The following SLC7A6 variants were observed in gnomAD, a reference collection of about 807,000 sequenced individuals.
SLC7A6 encodes the protein Y+L amino acid transporter 2.
A neutral mutation model predicts 46.6 loss-of-function variants in SLC7A6; 29 were observed. That is an observed-to-expected ratio of 0.62 (90% CI 0.46 to 0.85). The LOEUF (loss-of-function observed/expected upper bound fraction) is 0.85, where lower values mean the gene tolerates loss of function less well. Ranked by LOEUF, SLC7A6 falls within the 40% of genes least tolerant of loss-of-function variation. The pLI is 0.00. For missense variants in SLC7A6, 527 were observed against 647.6 expected, an observed-to-expected ratio of 0.81 and a Z score of 2.02; for synonymous variants, 276 against 257.3, an observed-to-expected ratio of 1.07 and a Z score of -0.70.
intron 1 of SLC7A6, among the ~76,000 whole-genome samples, chr16:68,266,222 T>C (rs1403548676): frequency 1.3e-5 from 2 of 152,000 alleles, no homozygotes; most frequent in South Asian, 2.1e-4. Context: ...ATTGCGCCAT[T>C]GCACTCTAGC....
At chr16:68,265,672 A>G (rs1202592658) in intron 1 of SLC7A6, 2 of 152,114 alleles carry the variant, frequency 1.3e-5, no homozygotes, top group African/African-American at 2.4e-5. Flanking sequence ...GGCTGCCTGC[A>G]TTACTCAGGT....
At chr16:68,289,213 A>C (rs978177771) in intron 4 of SLC7A6, among the ~76,000 whole-genome samples, 7 of 152,232 alleles carry the variant, frequency 4.6e-5, no homozygotes, top group Non-Finnish European at 8.8e-5. Flanking sequence ...GAATCGCCTT[A>C]AACTGGGAGG....
rs559370230 is a variant in SLC7A6 at position 68,296,756 on chromosome 16, A to T, written c.1399A>T (p.Met467Leu). 6.2e-7 allele frequency: 1 copy of T among 1,613,946 alleles called. No homozygotes were observed. Among genetic ancestry groups the T allele is most frequent in the Non-Finnish European group, 8.5e-7 (1 of 1,180,004 alleles). ...IALSGVPFYF[M>L]GVYLPESRRP... ...CCTTTCTGGAGTCCCTTTCTACTTC[A>T]TGGGTGTTTACCTGCCAGAGTCCCG... The change falls in exon 10 of 11, where the codon ATG becomes TTG. Residue 467 changes from methionine to leucine, a missense_variant. By Grantham distance (15) the Met-to-Leu change is conservative. Coordinates refer to ENST00000219343, the MANE Select transcript of SLC7A6 (RefSeq NM_003983.6).
chr16:68,295,715 C>A (rs551596706), intron 8 of SLC7A6, among the ~76,000 whole-genome samples: 5 of 152,316 alleles, frequency 3.3e-5, no homozygotes, highest in Admixed American at 2.6e-4. Context: ...TGTCCCAGGA[C>A]CCTAGGCCCT....
chr16:68,286,161 G>C (rs1453300214), intron 3 of SLC7A6, among the ~76,000 whole-genome samples: 1 of 151,290 alleles, frequency 6.6e-6, no homozygotes, highest in Non-Finnish European at 1.5e-5. Context: ...TACCTTCTGA[G>C]AATTTGTGAT....
chr16:68,280,486 A>G (rs1000843618), intron 3 of SLC7A6, among the ~76,000 whole-genome samples: 3 of 152,266 alleles, frequency 2.0e-5, no homozygotes, highest in African/African-American at 7.2e-5. Context: ...TTTGAAAATC[A>G]GGACTTGCCT....
intron 3 of SLC7A6, among the ~76,000 whole-genome samples, chr16:68,278,231 A>G (rs2042754044): frequency 6.6e-6 from 1 of 152,134 alleles, no homozygotes; most frequent in African/African-American, 2.4e-5. Context: ...CTGGGATTAC[A>G]GGCATGAGCC....
At chr16:68,273,284 C>A (rs2042652168) in intron 2 of SLC7A6, among the ~76,000 whole-genome samples, 2 of 152,122 alleles carry the variant, frequency 1.3e-5, no homozygotes, top group Non-Finnish European at 2.9e-5. Flanking sequence ...ATTTGTTGAA[C>A]AGATAAGAGA....
Position 68,301,597 on chromosome 16 carries a change from C to T in SLC7A6, c.*4269C>T, listed in dbSNP as rs1022907316. 5.3e-5 allele frequency: 24 copies of T among 449,544 alleles called. No homozygotes were observed. Among genetic ancestry groups the T allele is most frequent in the Non-Finnish European group, 8.5e-5 (22 of 257,634 alleles). The allele number at this position is 449,544 out of a possible 1,614,324, so 27.8% of individuals were successfully genotyped here. ...ACTTTCCTATCATCTAAACCAAGTT[C>T]CTTCACACTGGAGTATTTTGTCACT... is the stretch of plus-strand genomic sequence containing the variant. On this transcript the variant is annotated 3_prime_UTR_variant, in exon 11 of 11. Transcript: ENST00000219343.
intron 3 of SLC7A6, among the ~76,000 whole-genome samples, chr16:68,281,014 T>C (rs1366711241): frequency 6.6e-6 from 1 of 152,238 alleles, no homozygotes; most frequent in East Asian, 1.9e-4. Flanking sequence ...ATTACAGGCG[T>C]GACCCACGGC....
chr16:68,287,996 A>G (rs569956740), intron 4 of SLC7A6, 125 bp downstream of exon 4: 117 of 1,363,692 alleles, frequency 8.6e-5, no homozygotes, highest in Middle Eastern at 8.2e-4. Flanking sequence ...CAGTGAGTGC[A>G]AGAGATGGGA....
chr16:68,296,625 A>G lies in SLC7A6; in HGVS notation c.1270-2A>G, dbSNP rs2043173404. The G allele has an allele frequency of 1.2e-6, 2 of 1,613,862 alleles. No homozygotes were observed. Among genetic ancestry groups the G allele is most frequent in the Admixed American group, 3.3e-5 (2 of 59,996 alleles). ...CTTAATCTCTCACCCCCTCTATTTCAGCTGAGCGTGTTTTTCCCCATCGTG... is the reference window on the plus strand; with the variant it reads ...CTTAATCTCTCACCCCCTCTATTTCGGCTGAGCGTGTTTTTCCCCATCGTG... On this transcript the variant is annotated splice_acceptor_variant, in intron 9 of 10. Transcript: ENST00000219343. LOFTEE classifies it high-confidence loss of function.
chr16:68,271,069 C>T (rs948414890), intron 2 of SLC7A6, among the ~76,000 whole-genome samples: 2 of 152,192 alleles, frequency 1.3e-5, no homozygotes, highest in South Asian at 2.1e-4. Context: ...AGGCTGGTCT[C>T]GGACTCCTGG....
rs1251721369 is a variant in SLC7A6, at chr16:68,299,196, C to T, written c.*1868C>T. The T allele has an allele frequency of 6.6e-6, 1 of 152,642 alleles. No homozygotes were observed. Among genetic ancestry groups the T allele is most frequent in the East Asian group, 1.9e-4 (1 of 5,194 alleles). 9.5% of individuals were successfully genotyped at this position (152,642 alleles called of 1,614,324 possible). A position where few individuals can be genotyped will look rare whatever the true frequency, so the allele number is the denominator to read the frequency against. ...GTCTGAGCTAAGCTGGCACCCATCC[C>T]AGGGCTCCTCTGGAGCTAATCCTTT... On this transcript the variant is annotated 3_prime_UTR_variant, in exon 11 of 11. Coordinates refer to ENST00000219343, the MANE Select transcript of SLC7A6 (RefSeq NM_003983.6).
In SLC7A6 at chr16:68,275,253, A is replaced by C; in HGVS notation, c.523+4A>C. The stretch of plus-strand genomic sequence containing the variant: ...CTCCTGGCTGCTGCTTGCATATGTA[A>C]GTGGGGGCTGAGATTGGGAGGATGT... On this transcript the variant is annotated splice_donor_region_variant and intron_variant, in intron 3 of 10. Coordinates refer to ENST00000219343, the MANE Select transcript of SLC7A6 (RefSeq NM_003983.6). 1 of 1,328,724 alleles carries C rather than the reference A, an allele frequency of 7.5e-7. No individual in the cohort carries two copies. The highest frequency in any genetic ancestry group is 1.0e-6 in the Non-Finnish European group (1 of 979,198). The allele number at this position is 1,328,724 out of a possible 1,614,324, so 82.3% of individuals were successfully genotyped here.
intron 2 of SLC7A6, chr16:68,273,162 TG>T (rs1477753671): frequency 6.6e-6 from 1 of 152,122 alleles, no homozygotes; most frequent in Non-Finnish European, 1.5e-5. Flanking sequence ...GCAGGAGTTT[TG>T]GGTGGGGACT....
Position 68,300,986 on chromosome 16 carries a change from G to C in SLC7A6, c.*3658G>C. The stretch of plus-strand genomic sequence containing the variant: ...ACCTGAATGCCAGGAAAAATTCCTG[G>C]GCCAAGAAGCTAAAGCTAAAGAAAC... On this transcript the variant is annotated 3_prime_UTR_variant, in exon 11 of 11. Coordinates refer to ENST00000219343, the MANE Select transcript of SLC7A6 (RefSeq NM_003983.6). The C allele has an allele frequency of 9.5e-7, 1 of 1,047,160 alleles. No individual in the cohort carries two copies. Among genetic ancestry groups the C allele is most frequent in the Non-Finnish European group, 1.1e-6 (1 of 870,658 alleles). The allele number at this position is 1,047,160 out of a possible 1,614,324, so 64.9% of individuals were successfully genotyped here.
intron 4 of SLC7A6, among the ~76,000 whole-genome samples, chr16:68,289,434 T>C (rs941698437): frequency 7.2e-5 from 11 of 152,110 alleles, no homozygotes; most frequent in African/African-American, 2.2e-4. Context: ...TGGGGTCAAA[T>C]TGGGTTTTGA....
intron 3 of SLC7A6, 44 bp from the exon 4 acceptor site, chr16:68,287,702 C>T (rs1398755063): frequency 1.2e-6 from 2 of 1,600,526 alleles, no homozygotes; most frequent in Non-Finnish European, 1.7e-6. Flanking sequence ...GGCCCCTGTG[C>T]CCTCAACTCA....
Sources: allele counts gnomAD v4.1 joint callset (sites outside exome capture counted in the v4.1 genomes callset), GRCh38; gene constraint gnomAD v4.1.1; transcripts MANE v1.5; gene names NCBI Gene and HGNC (gene_info 2026-07-23, HGNC 2026-07-21).